The following REL variants were observed in gnomAD, a reference collection of about 807,000 sequenced individuals.
The protein encoded by REL is REL proto-oncogene, NF-kB subunit, also known as proto-oncogene c-Rel.
REL carries 15 observed loss-of-function variants against 45.9 expected under a neutral mutation model. The observed-to-expected ratio is 0.33, with a 90% CI of 0.22 to 0.50. The LOEUF (loss-of-function observed/expected upper bound fraction) is 0.50, where lower values mean the gene tolerates loss of function less well. REL is among the 20% of genes least tolerant of loss of function. REL has a pLI of 0.98. For synonymous variants in REL, 239 were observed against 242.1 expected, an observed-to-expected ratio of 0.99 and a Z score of 0.12; for missense variants, 601 against 715.2, an observed-to-expected ratio of 0.84 and a Z score of 1.82.
intron 6 of REL, 26 bp downstream of exon 6, chr2:60,918,321 GAATAAATTTTAGATT>G: frequency 6.4e-7 from 1 of 1,554,194 alleles, no homozygotes; most frequent in Non-Finnish European, 8.8e-7. Flanking sequence ...ATTGAATTTA[GAATAAATTTTAGATT>G]AATAGATGCA....
At chr2:60,917,680 CTGTGTGTGTGTG>C (rs34038794) in intron 5 of REL, among the ~76,000 whole-genome samples, 6 of 142,252 alleles carry the variant, frequency 4.2e-5, no homozygotes, top group African/African-American at 1.6e-4. Flanking sequence ...CCCCAAAATA[CTGTGTGTGTGTG>C]TGTGTGTGTG....
chr2:60,928,091 G>C lies in REL; in HGVS notation c.*5556G>C, dbSNP rs186545956. The stretch of plus-strand genomic sequence containing the variant: ...CCAGCACTTTGGGAGGCCGAGGTAG[G>C]GGGATTGCTTGAGCCCAGGAGTTCA... On this transcript the variant is annotated 3_prime_UTR_variant, in exon 10 of 10. Coordinates refer to ENST00000394479, the MANE Select transcript of REL (RefSeq NM_001291746.2). 239 of 189,084 alleles carry C rather than the reference G, an allele frequency of 1.3e-3. No individual in the cohort carries two copies. The highest frequency in any genetic ancestry group is 5.3e-3 in the African/African-American group (228 of 42,726). The allele number at this position is 189,084 out of a possible 1,614,324, so 11.7% of individuals were successfully genotyped here. A position where few individuals can be genotyped will look rare whatever the true frequency, so the allele number is the denominator to read the frequency against.
intron 4 of REL, among the ~76,000 whole-genome samples, chr2:60,915,709 A>C (rs1673944942): frequency 6.6e-6 from 1 of 152,236 alleles, no homozygotes; most frequent in African/African-American, 2.4e-5. Flanking sequence ...GCTTTTTAAA[A>C]ATATGACTTA....
chr2:60,890,221 G>A (rs926198160), intron 1 of REL, among the ~76,000 whole-genome samples: 9 of 152,132 alleles, frequency 5.9e-5, no homozygotes, highest in Admixed American at 3.9e-4. Flanking sequence ...ATTTTTTCAC[G>A]TAGACAACAT....
chr2:60,905,181 G>A (rs1007066960), intron 4 of REL, among the ~76,000 whole-genome samples: 3 of 152,196 alleles, frequency 2.0e-5, no homozygotes, highest in Admixed American at 6.5e-5. Context: ...TGCAAGCTCC[G>A]CCTCCCGGGT....
intron 8 of REL, 145 bp from the exon 9 acceptor site, chr2:60,920,429 G>C (rs1674107824): frequency 1.4e-6 from 1 of 700,222 alleles, no homozygotes; most frequent in Non-Finnish European, 2.6e-6. Flanking sequence ...TTGAACTCCT[G>C]ACATCAGGTG....
chr2:60,906,365 A>C (rs749972911), intron 4 of REL, among the ~76,000 whole-genome samples: 16 of 152,060 alleles, frequency 1.1e-4, no homozygotes, highest in African/African-American at 3.6e-4. Context: ...GTGCTTACCC[A>C]GCCCACTAAA....
At chr2:60,889,453 C>A (rs554764651) in intron 1 of REL, among the ~76,000 whole-genome samples, 1 of 152,098 alleles carries the variant, frequency 6.6e-6, no homozygotes, top group African/African-American at 2.4e-5. Context: ...ATAATAGACA[C>A]CATTTTTTTT....
In REL at chr2:60,924,630, A is replaced by C. The variant is rs1674226421; in HGVS notation, c.*2095A>C. ...CCTTTTATGAAAAGAGATTTTATTG[A>C]AGGTAAAACATTAGAGGTTCATTGA... On this transcript the variant is annotated 3_prime_UTR_variant, in exon 10 of 10. Coordinates refer to ENST00000394479, the MANE Select transcript of REL (RefSeq NM_001291746.2). 2 of 213,620 alleles carry C rather than the reference A, an allele frequency of 9.4e-6. No individual in the cohort carries two copies. The highest frequency in any genetic ancestry group is 9.5e-6 in the Non-Finnish European group (1 of 105,726). 13.2% of individuals were successfully genotyped at this position (213,620 alleles called of 1,614,324 possible). A position where few individuals can be genotyped will look rare whatever the true frequency, so the allele number is the denominator to read the frequency against.
chr2:60,888,807 C>T (rs1004312333), intron 1 of REL, among the ~76,000 whole-genome samples: 1 of 152,120 alleles, frequency 6.6e-6, no homozygotes, highest in African/African-American at 2.4e-5. Flanking sequence ...ATCAGTGATT[C>T]TTTAATTTCT....
In REL at chr2:60,928,013, A is replaced by G. The variant is rs372774305; in HGVS notation, c.*5478A>G. 71 of 206,720 alleles carry G rather than the reference A, an allele frequency of 3.4e-4. 1 individual carries two copies. The South Asian group carries it at 0.012, about 34-fold the overall frequency. The allele number at this position is 206,720 out of a possible 1,614,324, so 12.8% of individuals were successfully genotyped here. A position where few individuals can be genotyped will look rare whatever the true frequency, so the allele number is the denominator to read the frequency against. On this transcript the variant is annotated 3_prime_UTR_variant, in exon 10 of 10. Transcript: ENST00000394479. ...GAAAACTCATGATGGTTTCCATGTT[A>G]AGAGAGACATGGAGCAGGGCACTGG...
rs147398539 is a variant in REL, at chr2:60,895,853, C to T, written c.302+1308C>T. 5.3e-3 allele frequency among the ~76,000 whole-genome samples: 814 copies of T among 152,228 alleles called. 12 individuals are homozygous for T. The highest frequency in any genetic ancestry group is 5.2e-3 in the Non-Finnish European group (352 of 68,010). ...CTTTGTAATGGCAAAAAGCTAGAAGCAATCCAAATAGTAAGCAAAGGGGAT... is the reference window on the plus strand; with the variant it reads ...CTTTGTAATGGCAAAAAGCTAGAAGTAATCCAAATAGTAAGCAAAGGGGAT... On this transcript the variant is annotated intron_variant, in intron 3 of 9. Transcript: ENST00000394479.
chr2:60,922,614 T>C lies in REL; in HGVS notation c.*79T>C, dbSNP rs546826285. ...TTTTGTATTTGTCTAACTGGGGATATAATACTATATTTATACTGTATATAT... is the reference window on the plus strand; with the variant it reads ...TTTTGTATTTGTCTAACTGGGGATACAATACTATATTTATACTGTATATAT... On this transcript the variant is annotated 3_prime_UTR_variant, in exon 10 of 10. Coordinates refer to ENST00000394479, the MANE Select transcript of REL (RefSeq NM_001291746.2). 8.4e-5 allele frequency: 119 copies of C among 1,423,998 alleles called. 1 individual carries two copies. The East Asian group carries it at 2.8e-3, about 33-fold the overall frequency. The allele number at this position is 1,423,998 out of a possible 1,614,324, so 88.2% of individuals were successfully genotyped here.
intron 9 of REL, 113 bp downstream of exon 9, chr2:60,920,755 C>A: frequency 1.5e-6 from 1 of 648,172 alleles, no homozygotes. Context: ...AATTTTCTCT[C>A]CAGATTTTTC....
intron 3 of REL, chr2:60,900,749 C>A: frequency 2.5e-6 from 1 of 393,098 alleles, no homozygotes; most frequent in Non-Finnish European, 4.5e-6. Context: ...TCTGGAACTC[C>A]TGACCTCAGG....
At chr2:60,904,584 TA>T (rs763409030) in intron 4 of REL, among the ~76,000 whole-genome samples, 288 of 135,220 alleles carry the variant, frequency 2.1e-3, no homozygotes, top group Middle Eastern at 3.8e-3. Context: ...AAAAAATAAT[TA>T]AAAAAAAAAA....
intron 3 of REL, 90 bp from the exon 4 acceptor site, chr2:60,900,902 C>G: frequency 9.4e-7 from 1 of 1,058,390 alleles, no homozygotes; most frequent in Non-Finnish European, 1.4e-6. Flanking sequence ...CAACTGACAG[C>G]ATGATAACTT....
chr2:60,887,793 A>G (rs1673105964), intron 1 of REL, among the ~76,000 whole-genome samples: 1 of 151,668 alleles, frequency 6.6e-6, no homozygotes, highest in African/African-American at 2.4e-5. Flanking sequence ...ATGATAACTG[A>G]TATTTATGTA....
intron 4 of REL, among the ~76,000 whole-genome samples, chr2:60,914,948 C>T (rs761468687): frequency 1.5e-4 from 23 of 151,638 alleles, no homozygotes; most frequent in Non-Finnish European, 2.8e-4. Flanking sequence ...TCTCCTGCCT[C>T]AGCCTCCCAA....
Sources: allele counts gnomAD v4.1 joint callset (sites outside exome capture counted in the v4.1 genomes callset), GRCh38; gene constraint gnomAD v4.1.1; transcripts MANE v1.5; gene names NCBI Gene and HGNC (gene_info 2026-07-23, HGNC 2026-07-21).